The following ZDHHC3 variants were observed in gnomAD, a reference collection of about 807,000 sequenced individuals.
ZDHHC3 encodes the protein palmitoyltransferase ZDHHC3.
ZDHHC3 carries 9 observed loss-of-function variants against 30.6 expected under a neutral mutation model. The ratio of observed to expected loss-of-function variants is 0.29; its 90% CI spans 0.18 to 0.51. ZDHHC3 has a LOEUF of 0.51. Among genes scored for constraint, ZDHHC3 ranks in the 20% least tolerant of loss-of-function variants. The pLI is 0.97. For missense variants in ZDHHC3, 246 were observed against 384.2 expected (o/e 0.64, Z 3.01); for synonymous variants, 136 against 140.2 (o/e 0.97, Z 0.21).
rs530272605 is a variant in ZDHHC3, at chr3:44,916,937, G to T, written c.*9752C>A. ...TCAGAGACAAGATGGGCACCAATTT[G>T]GGAGAACTGGCCTTTTCAAACACAC... On this transcript the variant is annotated 3_prime_UTR_variant, in exon 7 of 7. Transcript: ENST00000424952. 6.6e-6 allele frequency: 1 copy of T among 152,250 alleles called. No individual in the cohort carries two copies. Among genetic ancestry groups the T allele is most frequent in the South Asian group, 2.1e-4 (1 of 4,820 alleles). The allele number at this position is 152,250 out of a possible 1,614,324, so 9.4% of individuals were successfully genotyped here. A position where few individuals can be genotyped will look rare whatever the true frequency, so the allele number is the denominator to read the frequency against.
At chr3:44,971,469 ATTT>A (rs1176196981) in intron 1 of ZDHHC3, among the ~76,000 whole-genome samples, 3 of 152,332 alleles carry the variant, frequency 2.0e-5, no homozygotes, top group African/African-American at 7.2e-5. Flanking sequence ...AAAGCAAATG[ATTT>A]TTTAAAATGC....
At position 44,922,537 on chromosome 3, in the gene ZDHHC3, C is replaced by T. The variant is rs892300627; in HGVS notation, c.*4152G>A. On this transcript the variant is annotated 3_prime_UTR_variant, in exon 7 of 7. Transcript: ENST00000424952. The stretch of plus-strand genomic sequence containing the variant: ...GAAGGCAGTCTCAGTGGCTTCTCCG[C>T]GGAGGGAACACGTGCCTGTCTCACA... The T allele has an allele frequency of 1.7e-5, 17 of 985,266 alleles. No homozygotes were observed. The highest frequency in any genetic ancestry group is 1.8e-5 in the Non-Finnish European group (15 of 829,936). 61.0% of individuals were successfully genotyped at this position (985,266 alleles called of 1,614,324 possible). A position where few individuals can be genotyped will look rare whatever the true frequency, so the allele number is the denominator to read the frequency against.
At chr3:44,953,015 T>A (rs915867377) in intron 2 of ZDHHC3, among the ~76,000 whole-genome samples, 6 of 152,248 alleles carry the variant, frequency 3.9e-5, no homozygotes, top group Non-Finnish European at 5.9e-5. Flanking sequence ...TCAAGCTGAA[T>A]AATGATACAT....
Position 44,926,302 on chromosome 3 carries a change from G to A in ZDHHC3, c.*387C>T, listed in dbSNP as rs1383903485. On this transcript the variant is annotated 3_prime_UTR_variant, in exon 7 of 7. Coordinates refer to ENST00000424952, the MANE Select transcript of ZDHHC3 (RefSeq NM_001135179.2). ...GTCAGGGCCCTCCTGGCTTTCCCATGCATCCCCCACCAGGTGTCCAGACTA... is the reference window on the plus strand; with the variant it reads ...GTCAGGGCCCTCCTGGCTTTCCCATACATCCCCCACCAGGTGTCCAGACTA... The A allele has an allele frequency of 3.0e-6, 3 of 990,776 alleles. No homozygotes were observed. Among genetic ancestry groups the A allele is most frequent in the Non-Finnish European group, 3.6e-6 (3 of 833,744 alleles). The allele number at this position is 990,776 out of a possible 1,614,324, so 61.4% of individuals were successfully genotyped here. A position where few individuals can be genotyped will look rare whatever the true frequency, so the allele number is the denominator to read the frequency against.
At chr3:44,947,342 T>C (rs1178175086) in intron 2 of ZDHHC3, among the ~76,000 whole-genome samples, 1 of 152,184 alleles carries the variant, frequency 6.6e-6, no homozygotes, top group Non-Finnish European at 1.5e-5. Context: ...GATCAGTCAG[T>C]GGCATAGCAC....
rs1323838871 is a variant in ZDHHC3 at position 44,925,847 on chromosome 3, AAG to A, written c.*840_*841del. On this transcript the variant is annotated 3_prime_UTR_variant, in exon 7 of 7. Coordinates refer to ENST00000424952, the MANE Select transcript of ZDHHC3 (RefSeq NM_001135179.2). ...CTGCTTAATTGACATCTTGCTGGGG[AAG>A]AGAGGGAGATGGGGTGGTGAGAGAG... 4 of 985,724 alleles carry A rather than the reference AAG, an allele frequency of 4.1e-6. No homozygotes were observed. The highest frequency in any genetic ancestry group is 4.8e-6 in the Non-Finnish European group (4 of 829,942). The allele number at this position is 985,724 out of a possible 1,614,324, so 61.1% of individuals were successfully genotyped here. A position where few individuals can be genotyped will look rare whatever the true frequency, so the allele number is the denominator to read the frequency against.
Position 44,926,270 on chromosome 3 carries a change from G to A in ZDHHC3, c.*419C>T. 1.0e-6 allele frequency: 1 copy of A among 988,368 alleles called. No individual in the cohort carries two copies. Among genetic ancestry groups the A allele is most frequent in the Non-Finnish European group, 1.2e-6 (1 of 831,994 alleles). 61.2% of individuals were successfully genotyped at this position (988,368 alleles called of 1,614,324 possible). A position where few individuals can be genotyped will look rare whatever the true frequency, so the allele number is the denominator to read the frequency against. On this transcript the variant is annotated 3_prime_UTR_variant, in exon 7 of 7. Transcript: ENST00000424952. ...GGAGCCCGCCACTGCCTCCTGGGCA[G>A]TGGGAGGTCAGGGCCCTCCTGGCTT...
intron 2 of ZDHHC3, among the ~76,000 whole-genome samples, chr3:44,946,484 G>A (rs1161473499): frequency 6.6e-6 from 1 of 152,170 alleles, no homozygotes; most frequent in African/African-American, 2.4e-5. Context: ...AATCACAGGA[G>A]GTCCCTGCTT....
intron 5 of ZDHHC3, among the ~76,000 whole-genome samples, chr3:44,930,606 C>T (rs534424653): frequency 7.2e-5 from 11 of 152,348 alleles, no homozygotes; most frequent in African/African-American, 2.4e-4. Context: ...GCTGGCTCCC[C>T]CACGGGAATG....
rs1700211749 is a variant in ZDHHC3 at position 44,916,881 on chromosome 3, A to C, written c.*9808T>G. 1 of 152,014 alleles carries C rather than the reference A, an allele frequency of 6.6e-6. No homozygotes were observed. The highest frequency in any genetic ancestry group is 1.5e-5 in the Non-Finnish European group (1 of 68,024). 9.4% of individuals were successfully genotyped at this position (152,014 alleles called of 1,614,324 possible). A position where few individuals can be genotyped will look rare whatever the true frequency, so the allele number is the denominator to read the frequency against. ...ATCTTCCTGATTCATCTGATTCATCAATCAGCAGACCCTGGCCATCACCCA... is the reference window on the plus strand; with the variant it reads ...ATCTTCCTGATTCATCTGATTCATCCATCAGCAGACCCTGGCCATCACCCA... On this transcript the variant is annotated 3_prime_UTR_variant, in exon 7 of 7. Transcript: ENST00000424952.
chr3:44,971,710 GA>G (rs1705418388), intron 1 of ZDHHC3, among the ~76,000 whole-genome samples: 1 of 152,164 alleles, frequency 6.6e-6, no homozygotes, highest in African/African-American at 2.4e-5. Context: ...CTCCCAAAAT[GA>G]AACACACATG....
intron 1 of ZDHHC3, chr3:44,969,629 A>C (rs1705242391): frequency 6.6e-6 from 1 of 152,220 alleles, no homozygotes; most frequent in Non-Finnish European, 1.5e-5. Flanking sequence ...TCTTGTCCAC[A>C]CATGGTTATG....
At chr3:44,943,017 C>T (rs542898801) in intron 3 of ZDHHC3, among the ~76,000 whole-genome samples, 46 of 152,170 alleles carry the variant, frequency 3.0e-4, no homozygotes, top group Non-Finnish European at 5.9e-4. Flanking sequence ...ATCTCAGGCA[C>T]AGGAGGCAAG....
rs1038449397 is a variant in ZDHHC3, at chr3:44,918,414, C to T, written c.*8275G>A. ...GGACTGACGTGTTCTCCACCCACCA[C>T]CCAGCCCTCCCCTTCTTTCCTTCCA... On this transcript the variant is annotated 3_prime_UTR_variant, in exon 7 of 7. Transcript: ENST00000424952. 1.2e-5 allele frequency: 12 copies of T among 985,356 alleles called. No homozygotes were observed. Among genetic ancestry groups the T allele is most frequent in the African/African-American group, 1.7e-5 (1 of 57,318 alleles). The allele number at this position is 985,356 out of a possible 1,614,324, so 61.0% of individuals were successfully genotyped here.
At position 44,938,186 on chromosome 3, in the gene ZDHHC3, GTTGGCCAGACTAGT is replaced by G; in HGVS notation, c.432-4216_432-4203del. Reference sequence around the variant, plus strand: ...TTTAGTGGAGACGGGGTTTCACCATGTTGGCCAGACTAGTCTTTAACTCCTCACCTCAAGTGATC... The same window carrying G: ...TTTAGTGGAGACGGGGTTTCACCATGCTTTAACTCCTCACCTCAAGTGATC... On this transcript the variant is annotated intron_variant, in intron 3 of 6. Coordinates refer to ENST00000424952, the MANE Select transcript of ZDHHC3 (RefSeq NM_001135179.2). 2.9e-5 allele frequency: 6 copies of G among 206,034 alleles called. No individual in the cohort carries two copies. In the South Asian group the frequency reaches 4.3e-4, roughly 15 times the overall value. 12.8% of individuals were successfully genotyped at this position (206,034 alleles called of 1,614,324 possible).
rs1311372012 is a variant in ZDHHC3 at position 44,918,397 on chromosome 3, G to A, written c.*8292C>T. The stretch of plus-strand genomic sequence containing the variant: ...AGCAGGGCCCGCCTGGTGGACTGAC[G>A]TGTTCTCCACCCACCACCCAGCCCT... On this transcript the variant is annotated 3_prime_UTR_variant, in exon 7 of 7. Transcript: ENST00000424952. 5 of 985,220 alleles carry A rather than the reference G, an allele frequency of 5.1e-6. No individual in the cohort carries two copies. In the African/African-American group the frequency reaches 5.2e-5, roughly 10 times the overall value. 61.0% of individuals were successfully genotyped at this position (985,220 alleles called of 1,614,324 possible).
At chr3:44,930,158 A>T (rs1464053217) in intron 5 of ZDHHC3, among the ~76,000 whole-genome samples, 1 of 152,244 alleles carries the variant, frequency 6.6e-6, no homozygotes, top group East Asian at 1.9e-4. Context: ...CAGTCCTGCC[A>T]TCTTCAGGCC....
chr3:44,957,554 T>C (rs1704060579), intron 2 of ZDHHC3, among the ~76,000 whole-genome samples: 1 of 152,136 alleles, frequency 6.6e-6, no homozygotes, highest in Non-Finnish European at 1.5e-5. Context: ...ATCACCAACC[T>C]AAATCCATTC....
chr3:44,920,393 G>A lies in ZDHHC3; in HGVS notation c.*6296C>T. On this transcript the variant is annotated 3_prime_UTR_variant, in exon 7 of 7. Coordinates refer to ENST00000424952, the MANE Select transcript of ZDHHC3 (RefSeq NM_001135179.2). ...ACGAGAGCTGGGACATCACCATATG[G>A]CAGACCCGGCTACAGAGGAAACACC... 3.1e-6 allele frequency: 4 copies of A among 1,282,692 alleles called. No individual in the cohort carries two copies. The highest frequency in any genetic ancestry group is 1.5e-5 in the African/African-American group (1 of 65,882). The allele number at this position is 1,282,692 out of a possible 1,614,324, so 79.5% of individuals were successfully genotyped here.
Sources: allele counts gnomAD v4.1 joint callset (sites outside exome capture counted in the v4.1 genomes callset), GRCh38; gene constraint gnomAD v4.1.1; transcripts MANE v1.5; gene names NCBI Gene and HGNC (gene_info 2026-07-23, HGNC 2026-07-21).